USP3: variants seen among roughly 807,000 people sequenced by gnomAD.
The protein encoded by USP3 is ubiquitin carboxyl-terminal hydrolase 3.
In USP3, 20 loss-of-function variants were observed where a neutral mutation model predicts 72.3. That is an observed-to-expected ratio of 0.28 (90% confidence interval 0.19 to 0.40). The LOEUF is 0.40. Among genes scored for constraint, USP3 ranks in the 10% least tolerant of loss-of-function variants. The pLI is 1.00. For missense variants in USP3, 479 were observed against 633.9 expected (o/e 0.76, Z 2.62); for synonymous variants, 222 against 225.3 (o/e 0.99, Z 0.13).
rs971269728 is a variant in USP3, at chr15:63,553,441, C to T, written c.285-274C>T. ...AGGCACCACTAAAAAGAATGTAACACATGTAGCAGCTTATTTCATTTTCAA... is the reference window on the plus strand; with the variant it reads ...AGGCACCACTAAAAAGAATGTAACATATGTAGCAGCTTATTTCATTTTCAA... On this transcript the variant is annotated intron_variant, in intron 3 of 14. Coordinates refer to ENST00000380324, the MANE Select transcript of USP3 (RefSeq NM_006537.4). This position sits in a 1 kb window ranked among gnomAD's most constrained non-coding sequence, Gnocchi z 4.2. 8.5e-5 allele frequency: 22 copies of T among 258,584 alleles called. No individual in the cohort carries two copies. The highest frequency in any genetic ancestry group is 1.4e-4 in the Non-Finnish European group (19 of 137,466). 16.0% of individuals were successfully genotyped at this position (258,584 alleles called of 1,614,324 possible).
Position 63,590,712 on chromosome 15 carries a change from C to A in USP3, c.1449C>A (p.Phe483Leu). Residue 483 changes from phenylalanine to leucine, a missense_variant, in exon 15 of 15, where the codon TTC becomes TTA. Coordinates refer to ENST00000380324, the MANE Select transcript of USP3 (RefSeq NM_006537.4). ...TAYATHEGRW[F>L]HFNDSTVTLT... is the part of the protein sequence containing the mutation. ...ACGCAACTCACGAAGGCCGCTGGTTCCACTTCAATGACAGTACTGTAACAC... is the reference window on the plus strand; with the variant it reads ...ACGCAACTCACGAAGGCCGCTGGTTACACTTCAATGACAGTACTGTAACAC... The A allele has an allele frequency of 9.9e-6, 16 of 1,613,826 alleles. No homozygotes were observed. Among genetic ancestry groups the A allele is most frequent in the Non-Finnish European group, 1.4e-5 (16 of 1,179,842 alleles).
intron 1 of USP3, among the ~76,000 whole-genome samples, chr15:63,517,465 T>G (rs1595706526): frequency 6.6e-6 from 1 of 152,338 alleles, no homozygotes; most frequent in East Asian, 1.9e-4. Context: ...ATTGGAGGTT[T>G]TCTATAAAGA....
At chr15:63,526,581 C>T (rs992111166) in intron 1 of USP3, among the ~76,000 whole-genome samples, 3 of 151,590 alleles carry the variant, frequency 2.0e-5, no homozygotes, top group African/African-American at 4.8e-5. Flanking sequence ...ATTGTGTAGG[C>T]GGGTGGTTCT....
intron 1 of USP3, among the ~76,000 whole-genome samples, chr15:63,531,593 T>C (rs1488992635): frequency 6.6e-6 from 1 of 152,220 alleles, no homozygotes; most frequent in African/African-American, 2.4e-5. Flanking sequence ...TTAATTTTTT[T>C]TTAACAGTGA....
At chr15:63,519,446 G>T (rs1221655489) in intron 1 of USP3, among the ~76,000 whole-genome samples, 1 of 151,808 alleles carries the variant, frequency 6.6e-6, no homozygotes, top group Non-Finnish European at 1.5e-5. Context: ...TTCATGGTTA[G>T]ATTCAGGTAA....
intron 8 of USP3, among the ~76,000 whole-genome samples, chr15:63,569,226 A>G (rs1275782856): frequency 6.6e-6 from 1 of 152,216 alleles, no homozygotes; most frequent in Non-Finnish European, 1.5e-5. Flanking sequence ...CCTTAGATAT[A>G]CAAAGGAACT....
Position 63,544,629 on chromosome 15 carries a change from T to C in USP3, c.284+7473T>C. On this transcript the variant is annotated intron_variant, in intron 3 of 14. Transcript: ENST00000380324. The surrounding 1 kb of genome is among the most constrained non-coding windows in gnomAD (Gnocchi z 4.2). ...TGAGCCATGCTGTGTGTTTTCATTT[T>C]TGGAGAATGGGGGAAGAATGTAAAG... 1 of 694,860 alleles carries C rather than the reference T, an allele frequency of 1.4e-6. No homozygotes were observed. The highest frequency in any genetic ancestry group is 2.6e-6 in the Non-Finnish European group (1 of 381,324). 43.0% of individuals were successfully genotyped at this position (694,860 alleles called of 1,614,324 possible). A position where few individuals can be genotyped will look rare whatever the true frequency, so the allele number is the denominator to read the frequency against.
At chr15:63,530,275 C>G (rs1458457216) in intron 1 of USP3, among the ~76,000 whole-genome samples, 1 of 149,226 alleles carries the variant, frequency 6.7e-6, no homozygotes, top group Non-Finnish European at 1.5e-5. Context: ...CCCTGCCTCC[C>G]TCCCTCCCTC....
chr15:63,521,596 A>G (rs1183145854), intron 1 of USP3, among the ~76,000 whole-genome samples: 2 of 152,164 alleles, frequency 1.3e-5, no homozygotes, highest in Admixed American at 1.3e-4. Context: ...TTTTTAGTCA[A>G]GTAGTAGCCG....
chr15:63,550,546 T>C (rs1241490814), intron 3 of USP3, among the ~76,000 whole-genome samples: 2 of 152,206 alleles, frequency 1.3e-5, no homozygotes, highest in East Asian at 3.8e-4. Context: ...AGGCTGCAAA[T>C]AGATGAAGAC....
At chr15:63,554,602 C>G (rs1284131996) in intron 4 of USP3, among the ~76,000 whole-genome samples, 1 of 152,136 alleles carries the variant, frequency 6.6e-6, no homozygotes, top group Non-Finnish European at 1.5e-5. Context: ...GTGAAAACAT[C>G]CACAAAGCAG....
At chr15:63,524,850 T>C (rs986896834) in intron 1 of USP3, among the ~76,000 whole-genome samples, 2 of 152,168 alleles carry the variant, frequency 1.3e-5, no homozygotes, top group East Asian at 3.9e-4. Flanking sequence ...ATAGAATCAC[T>C]TCTGCCATAT....
At chr15:63,578,097 G>A (rs909293186) in intron 11 of USP3, among the ~76,000 whole-genome samples, 17 of 151,734 alleles carry the variant, frequency 1.1e-4, no homozygotes, top group African/African-American at 4.1e-4. Context: ...CCAACATGGA[G>A]AAACCCCATC....
At position 63,570,533 on chromosome 15, in the gene USP3, A is replaced by G. The variant is rs201442997; in HGVS notation, c.862A>G (p.Ile288Val). ...TTTCAACGGTGTTTCCCGCTCAGCA[A>G]TTCTGCAGGAGAATTCTACTCTGTC... ...GGFNGVSRSA[I>V]LQENSTLSAS... Residue 288 changes from isoleucine to valine, a missense_variant, in exon 9 of 15, where the codon ATT becomes GTT. Ile to Val is a conservative substitution (Grantham distance 29). Transcript: ENST00000380324. This position sits in a 1 kb window ranked among gnomAD's most constrained non-coding sequence, Gnocchi z 4.4. The G allele has an allele frequency of 1.0e-4, 166 of 1,614,082 alleles. 1 individual carries two copies. The highest frequency in any genetic ancestry group is 1.3e-4 in the Admixed American group (8 of 59,996).
At chr15:63,512,358 C>CTTCT (rs1567089058) in intron 1 of USP3, among the ~76,000 whole-genome samples, 20 of 107,402 alleles carry the variant, frequency 1.9e-4, no homozygotes, top group African/African-American at 7.6e-4. Flanking sequence ...TCTTCCTCTT[C>CTTCT]TTCTTCTTTC....
chr15:63,568,895 G>T (rs2066736021), intron 8 of USP3, among the ~76,000 whole-genome samples: 1 of 152,094 alleles, frequency 6.6e-6, no homozygotes, highest in African/African-American at 2.4e-5. Context: ...GTTTGTAATG[G>T]TATAGGAAAC....
chr15:63,571,548 T>C (rs2066779183), intron 9 of USP3, among the ~76,000 whole-genome samples: 1 of 152,218 alleles, frequency 6.6e-6, no homozygotes, highest in Admixed American at 6.5e-5. Flanking sequence ...TTGTTCTTCC[T>C]GCTAGCACCA....
Position 63,528,998 on chromosome 15 carries a change from C to G in USP3, c.92-3649C>G. On this transcript the variant is annotated intron_variant, in intron 1 of 14. Transcript: ENST00000380324. This position sits in a 1 kb window ranked among gnomAD's most constrained non-coding sequence, Gnocchi z 4.3. Reference sequence around the variant, plus strand: ...TCAGAATCCCTCATAATACCCTATCCTCTGTATCTTTCTAGCCTTCAAATG... The same window carrying G: ...TCAGAATCCCTCATAATACCCTATCGTCTGTATCTTTCTAGCCTTCAAATG... The G allele has an allele frequency of 7.8e-7, 1 of 1,288,544 alleles. No individual in the cohort carries two copies. The highest frequency in any genetic ancestry group is 1.0e-6 in the Non-Finnish European group (1 of 988,266). The allele number at this position is 1,288,544 out of a possible 1,614,324, so 79.8% of individuals were successfully genotyped here.
At chr15:63,542,487 ATAAC>A (rs2066259011) in intron 3 of USP3, among the ~76,000 whole-genome samples, 2 of 152,088 alleles carry the variant, frequency 1.3e-5, no homozygotes, top group Non-Finnish European at 2.9e-5. Context: ...GGAAATAACT[ATAAC>A]TTAAAGCAAA....
Sources: allele counts gnomAD v4.1 joint callset (sites outside exome capture counted in the v4.1 genomes callset), GRCh38; gene constraint gnomAD v4.1.1; non-coding constraint Gnocchi (gnomAD v3.1); transcripts MANE v1.5; gene names NCBI Gene and HGNC (gene_info 2026-07-23, HGNC 2026-07-21).